ITPR1: variants seen among roughly 807,000 people sequenced by gnomAD.
The protein encoded by ITPR1 is inositol 1,4,5-trisphosphate receptor type 1, also known as inositol 1,4,5-trisphosphate-gated calcium channel ITPR1.
In ITPR1, 96 loss-of-function variants were observed where a neutral mutation model predicts 318.4. The ratio of observed to expected loss-of-function variants is 0.30; its 90% confidence interval spans 0.26 to 0.36. The LOEUF is 0.36. Ranked by LOEUF, ITPR1 falls within the 10% of genes least tolerant of loss-of-function variation. The pLI is 1.00. For synonymous variants in ITPR1, 1,312 were observed against 1,289.9 expected (o/e 1.02, Z -0.37); for missense variants, 2,440 against 3,460.2 (o/e 0.71, Z 7.40).
At position 4,673,309 on chromosome 3, in the gene ITPR1, G is replaced by C; in HGVS notation, c.2378G>C (p.Arg793Pro). Reference sequence around the variant, plus strand: ...CTCATGCTTCACATGCATGTGGACCGAGATCCCCAGGAACAAGTCACCCCC... The same window carrying C: ...CTCATGCTTCACATGCATGTGGACCCAGATCCCCAGGAACAAGTCACCCCC... ...CRLMLHMHVD[R>P]DPQEQVTPVK... The change falls in exon 21 of 62, where the codon CGA becomes CCA. Residue 793 changes from arginine to proline, a missense_variant. This residue lies in a region of ITPR1 where 478 missense variants were observed against 696.3 expected (regional missense o/e 0.69). Transcript: ENST00000649015. 6.2e-7 allele frequency: 1 copy of C among 1,613,912 alleles called. No homozygotes were observed. The highest frequency in any genetic ancestry group is 8.5e-7 in the Non-Finnish European group (1 of 1,179,852).
intron 4 of ITPR1, among the ~76,000 whole-genome samples, chr3:4,600,499 TGC>T (rs796417995): frequency 2.0e-5 from 3 of 151,732 alleles, no homozygotes; most frequent in South Asian, 4.2e-4. Context: ...TGTGTGTGTG[TGC>T]GTGTTTGTGT....
intron 45 of ITPR1, chr3:4,768,171 T>G: frequency 4.5e-6 from 1 of 220,858 alleles, no homozygotes; most frequent in Non-Finnish European, 8.8e-6. Flanking sequence ...AGAACTTTCT[T>G]GAGATGTTAT....
Position 4,735,206 on chromosome 3 carries a change from G to T in ITPR1, c.5396G>T (p.Ser1799Ile), listed in dbSNP as rs764338119. The T allele has an allele frequency of 2.5e-6, 4 of 1,614,002 alleles. No individual in the cohort carries two copies. Among genetic ancestry groups the T allele is most frequent in the Non-Finnish European group, 3.4e-6 (4 of 1,179,868 alleles). Reference sequence around the variant, plus strand: ...AGCTCTATGAGCAGGGGTGAGATGAGTCTGGCCGAGGTTCAGTGTCACCTT... The same window carrying T: ...AGCTCTATGAGCAGGGGTGAGATGATTCTGGCCGAGGTTCAGTGTCACCTT... ...GSSSMSRGEM[S>I]LAEVQCHLDK... Residue 1799 changes from serine (S) to isoleucine (I), a missense_variant, in exon 44 of 62, where the codon AGT becomes ATT. By Grantham distance (142) the Ser-to-Ile change is moderately radical. Transcript: ENST00000649015.
intron 46 of ITPR1, among the ~76,000 whole-genome samples, chr3:4,771,903 A>G (rs1429921434): frequency 6.6e-6 from 1 of 152,130 alleles, no homozygotes; most frequent in Non-Finnish European, 1.5e-5. Flanking sequence ...TCGGAGTGGA[A>G]ACTAGAGTGC....
chr3:4,690,350 T>C (rs1161936662), intron 31 of ITPR1, among the ~76,000 whole-genome samples: 1 of 152,164 alleles, frequency 6.6e-6, no homozygotes, highest in African/African-American at 2.4e-5. Context: ...GATATCCAAA[T>C]GGCCAGTAAA....
chr3:4,567,337 C>A (rs1299397161), intron 4 of ITPR1, among the ~76,000 whole-genome samples: 2 of 152,062 alleles, frequency 1.3e-5, no homozygotes, highest in Admixed American at 6.6e-5. Context: ...TAGAGTAATA[C>A]CTTGTTGAAT....
chr3:4,695,677 G>C (rs941632750), intron 33 of ITPR1, among the ~76,000 whole-genome samples: 22 of 152,198 alleles, frequency 1.4e-4, no homozygotes, highest in African/African-American at 5.3e-4. Flanking sequence ...GACTTCTTCT[G>C]TGTATCATTC....
chr3:4,501,322 C>T (rs1006448544), intron 2 of ITPR1, among the ~76,000 whole-genome samples: 14 of 152,334 alleles, frequency 9.2e-5, no homozygotes, highest in Non-Finnish European at 1.2e-4. Context: ...CTCTGAGCTG[C>T]AGTCAAAAGT....
At chr3:4,700,493 C>G (rs1206549040) in intron 35 of ITPR1, among the ~76,000 whole-genome samples, 1 of 152,042 alleles carries the variant, frequency 6.6e-6, no homozygotes, top group Non-Finnish European at 1.5e-5. Context: ...AAGCCTTAGC[C>G]AGGAAAATGA....
chr3:4,635,637 G>A (rs896624734), intron 5 of ITPR1, among the ~76,000 whole-genome samples: 16 of 151,870 alleles, frequency 1.1e-4, no homozygotes, highest in South Asian at 2.1e-4. Context: ...GAGCCACTGC[G>A]CCCAGCCAAA....
intron 54 of ITPR1, among the ~76,000 whole-genome samples, chr3:4,805,360 C>T (rs1281116038): frequency 3.3e-5 from 5 of 152,104 alleles, no homozygotes; most frequent in Non-Finnish European, 5.9e-5. Flanking sequence ...GGCTGCAATC[C>T]CAAGAAAGAG....
intron 2 of ITPR1, among the ~76,000 whole-genome samples, chr3:4,497,227 A>G (rs572670360): frequency 6.6e-6 from 1 of 152,372 alleles, no homozygotes; most frequent in East Asian, 1.9e-4. Flanking sequence ...AGCCAGATAC[A>G]CCACTGAAAC....
chr3:4,506,241 T>C (rs764877804), intron 2 of ITPR1, among the ~76,000 whole-genome samples: 26 of 152,338 alleles, frequency 1.7e-4, no homozygotes, highest in Non-Finnish European at 2.9e-4. Context: ...CTATCTTCTC[T>C]ACCCTGTCTT....
intron 52 of ITPR1, among the ~76,000 whole-genome samples, chr3:4,794,496 C>T (rs184342455): frequency 2.6e-5 from 4 of 152,256 alleles, no homozygotes; most frequent in African/African-American, 4.8e-5. Flanking sequence ...GACTCAATGC[C>T]GGGAAAGGAA....
intron 2 of ITPR1, among the ~76,000 whole-genome samples, chr3:4,505,152 G>A (rs985867894): frequency 5.9e-5 from 9 of 152,112 alleles, no homozygotes; most frequent in Middle Eastern, 3.2e-3. Context: ...CAAAAGCCCT[G>A]TGTGTAAGCC....
chr3:4,635,462 T>C (rs2093156829), intron 5 of ITPR1, among the ~76,000 whole-genome samples: 1 of 152,014 alleles, frequency 6.6e-6, no homozygotes, highest in Non-Finnish European at 1.5e-5. Context: ...TGCCTCAGCC[T>C]CCCGAGTAGC....
At chr3:4,699,405 C>CAT (rs148716186) in intron 34 of ITPR1, among the ~76,000 whole-genome samples, 59,997 of 151,400 alleles carry the variant, frequency 0.4, 14,252 homozygotes, top group Non-Finnish European at 0.56. Context: ...ACCTCAGTAA[C>CAT]ATTTGACTAT....
In ITPR1 at chr3:4,646,168, C is replaced by T. The variant is rs1055459014; in HGVS notation, c.855+440C>T. The stretch of plus-strand genomic sequence containing the variant: ...CCTGACACAATACATAGGTGATGCC[C>T]ACATTGGTGATGGGGCAGAAATGAG... On this transcript the variant is annotated intron_variant, in intron 10 of 61. Transcript: ENST00000649015. Among the ~76,000 whole-genome samples the T allele has an allele frequency of 3.3e-5, 5 of 152,300 alleles. No homozygotes were observed. In the East Asian group the frequency reaches 9.7e-4, roughly 29 times the overall value.
intron 8 of ITPR1, 34 bp downstream of exon 8, chr3:4,644,268 T>C (rs2093404248): frequency 6.9e-7 from 1 of 1,458,632 alleles, no homozygotes; most frequent in African/African-American, 1.4e-5. Context: ...TGGGTGTGGT[T>C]ATCCTGCAGG....
Sources: allele counts gnomAD v4.1 joint callset (sites outside exome capture counted in the v4.1 genomes callset), GRCh38; gene constraint gnomAD v4.1.1; regional missense constraint gnomAD v4.1.1; transcripts MANE v1.5; gene names NCBI Gene and HGNC (gene_info 2026-07-23, HGNC 2026-07-21).